Variants in NLRP7 observed in about 807,000 individuals in gnomAD.
NLRP7 encodes NLR family pyrin domain containing 7, also known as NACHT, LRR and PYD domains-containing protein 7.
In NLRP7, 72 loss-of-function variants were observed where a neutral mutation model predicts 85.5. The observed-to-expected ratio is 0.84, with a 90% confidence interval of 0.70 to 1.02. NLRP7 has a LOEUF of 1.02. Among genes scored for constraint, NLRP7 ranks in the 50% least tolerant of loss-of-function variants. The pLI is 0.00. For synonymous variants in NLRP7, 550 were observed against 505.2 expected (o/e 1.09, Z -1.19); for missense variants, 1,243 against 1,219.5 (o/e 1.02, Z -0.29).
In NLRP7 at chr19:54,934,583, G is replaced by A. The variant is rs1042698846; in HGVS notation, c.2377C>T (p.His793Tyr). The A allele has an allele frequency of 6.2e-7, 1 of 1,614,130 alleles. No individual in the cohort carries two copies. The highest frequency in any genetic ancestry group is 1.1e-5 in the South Asian group (1 of 91,086). Residue 793 changes from histidine to tyrosine, a missense_variant, in exon 7 of 10, where the codon CAC (histidine) becomes TAC (tyrosine). This residue lies in a region of NLRP7 where 613 missense variants were observed against 588.4 expected (regional missense o/e 1.04). Coordinates refer to ENST00000340844, the Ensembl canonical transcript of NLRP7. This position sits in a 1 kb window ranked among gnomAD's most constrained non-coding sequence, Gnocchi z 6.7. ...AGCACATTGGCTGAGAGACGCAGGT[G>A]CTTCAGGGACTGGTTGGCTTTGAGG...
At chr19:54,964,543 C>A (rs1460129831) in intron 1 of NLRP7, among the ~76,000 whole-genome samples, 3 of 152,040 alleles carry the variant, frequency 2.0e-5, no homozygotes, top group Admixed American at 2.0e-4. Flanking sequence ...ATACTGCCAG[C>A]CAGGCACGGT....
chr19:54,934,816 TCTC>T lies in NLRP7; in HGVS notation c.2301-160_2301-158del, dbSNP rs1208102813. The stretch of plus-strand genomic sequence containing the variant: ...CCTCCGCCTCCCGGGTTCAAGCTAT[TCTC>T]CTGCCTCAGCCTCCGAAGTAGCTGG... On this transcript the variant is annotated intron_variant, in intron 6 of 9. Transcript: ENST00000340844. The surrounding 1 kb of genome is among the most constrained non-coding windows in gnomAD (Gnocchi z 6.7). 6.6e-6 allele frequency among the ~76,000 whole-genome samples: 1 copy of T among 152,014 alleles called. No homozygotes were observed. The highest frequency in any genetic ancestry group is 1.9e-4 in the East Asian group (1 of 5,160).
upstream of NLRP7, among the ~76,000 whole-genome samples, chr19:54,948,569 T>G (rs2069568795): frequency 6.6e-6 from 1 of 151,622 alleles, no homozygotes; most frequent in Non-Finnish European, 1.5e-5. Flanking sequence ...AATAGATAAC[T>G]GATATTTAAT....
chr19:54,951,753 ATT>A (rs879475433), upstream of NLRP7, among the ~76,000 whole-genome samples: 5 of 143,562 alleles, frequency 3.5e-5, no homozygotes, highest in South Asian at 8.9e-4. Flanking sequence ...CATTAGACGA[ATT>A]TTTTTTTTTT....
At chr19:54,957,991 G>A (rs2069914927) in intron 1 of NLRP7, among the ~76,000 whole-genome samples, 1 of 151,986 alleles carries the variant, frequency 6.6e-6, no homozygotes, top group Non-Finnish European at 1.5e-5. Context: ...CCAGGTGGGT[G>A]GATCACCTGA....
In NLRP7 at chr19:54,939,027, G is replaced by C. The variant is rs780716296; in HGVS notation, c.1792C>G (p.Leu598Val). ...TGCATCACTTCAGAAGTATTTGTCA[G>C]GTGAATAGAAATTTCCTTGAACGGG... Residue 598 changes from leucine (L) to valine (V), a missense_variant, in exon 4 of 10, where the codon CTG (leucine) becomes GTG (valine). By Grantham distance (32) the Leu-to-Val change is conservative. Around this residue, in one of 3 missense-constraint regions of NLRP7, gnomAD observed 613 missense variants for 588.4 expected, o/e 1.04. Coordinates refer to ENST00000340844, the Ensembl canonical transcript of NLRP7. 5.0e-6 allele frequency: 8 copies of C among 1,614,086 alleles called. No homozygotes were observed. In the East Asian group the frequency reaches 1.8e-4, roughly 36 times the overall value.
chr19:54,954,264 C>T (rs1196126320), intron 1 of NLRP7, among the ~76,000 whole-genome samples: 4 of 148,526 alleles, frequency 2.7e-5, no homozygotes, highest in Non-Finnish European at 4.5e-5. Flanking sequence ...GCGGTGGTCA[C>T]GCCTGTAATC....
At chr19:54,926,195 A>G (rs1019405177) in intron 9 of NLRP7, among the ~76,000 whole-genome samples, 3 of 117,082 alleles carry the variant, frequency 2.6e-5, no homozygotes, top group Non-Finnish European at 5.6e-5. Context: ...TTTTGGATAT[A>G]ATGATTAGGG....
chr19:54,934,437 T>C lies in NLRP7; in HGVS notation c.2471+52A>G. 1 of 1,591,678 alleles carries C rather than the reference T, an allele frequency of 6.3e-7. No homozygotes were observed. The highest frequency in any genetic ancestry group is 8.6e-7 in the Non-Finnish European group (1 of 1,159,510). ...AGTAAGTCAGGTGTTACCCTTTCTC[T>C]TCTATAGCCCCAGAACTAAACCAGA... On this transcript the variant is annotated intron_variant, in intron 7 of 9. Transcript: ENST00000340844. This position sits in a 1 kb window ranked among gnomAD's most constrained non-coding sequence, Gnocchi z 6.7.
chr19:54,946,272 C>G (rs560874488), intron 1 of NLRP7, among the ~76,000 whole-genome samples: 1 of 150,834 alleles, frequency 6.6e-6, no homozygotes, highest in Non-Finnish European at 1.5e-5. Context: ...AGTGCAGTGG[C>G]GCAATCTCAG....
chr19:54,954,455 A>C (rs969949931), intron 1 of NLRP7, among the ~76,000 whole-genome samples: 2 of 126,044 alleles, frequency 1.6e-5, no homozygotes, highest in Non-Finnish European at 3.2e-5. Context: ...GCCTGAACCC[A>C]GGAGGCGGAG....
chr19:54,961,690 G>C (rs1221479542), intron 1 of NLRP7, among the ~76,000 whole-genome samples: 1 of 150,876 alleles, frequency 6.6e-6, no homozygotes, highest in African/African-American at 2.4e-5. Context: ...GCCTGGCATG[G>C]TGGCAGGTGC....
At chr19:54,925,354 G>T (rs919741056) in intron 9 of NLRP7, among the ~76,000 whole-genome samples, 2 of 152,108 alleles carry the variant, frequency 1.3e-5, no homozygotes, top group African/African-American at 4.8e-5. Context: ...ACCCATTTAT[G>T]CCAGAGGTTA....
At chr19:54,941,381 CAAAAAAAAAAAAAA>C in intron 2 of NLRP7, 40 bp downstream of exon 2, 2 of 683,078 alleles carry the variant, frequency 2.9e-6, no homozygotes, top group Non-Finnish European at 4.7e-6. Context: ...GACTCCATCT[CAAAAAAAAAAAAAA>C]AAAAAAAAAA....
rs1316807477 is a variant in NLRP7, at chr19:54,934,396, G to A, written c.2471+93C>T. 1.8e-5 allele frequency: 23 copies of A among 1,297,234 alleles called. No individual in the cohort carries two copies. The highest frequency in any genetic ancestry group is 5.9e-5 in the South Asian group (5 of 84,908). The allele number at this position is 1,297,234 out of a possible 1,614,324, so 80.4% of individuals were successfully genotyped here. A position where few individuals can be genotyped will look rare whatever the true frequency, so the allele number is the denominator to read the frequency against. On this transcript the variant is annotated intron_variant, in intron 7 of 9. Coordinates refer to ENST00000340844, the Ensembl canonical transcript of NLRP7. This position sits in a 1 kb window ranked among gnomAD's most constrained non-coding sequence, Gnocchi z 6.7. ...GCAGGTGTTTATTTCAGCAAGAGGC[G>A]CCACGTGGGTGGCGCAGTAAGTCAG... is the stretch of plus-strand genomic sequence containing the variant.
chr19:54,940,284 G>A, exon 4 of NLRP7: 1 of 1,614,192 alleles, frequency 6.2e-7, no homozygotes, highest in Non-Finnish European at 8.5e-7. Flanking sequence ...ACGCCTGCGG[G>A]GCCGTGCAGC....
rs201379032 is a variant in NLRP7, at chr19:54,930,521, T to A, written c.2788A>T (p.Asn930Tyr). ...TACCGTAGGTGTTTTAGGTTACAGT[T>A]TGGATTCTCTAATGCCTGACAGAGA... Residue 930 changes from asparagine to tyrosine, a missense_variant, in exon 9 of 10, where the codon AAC becomes TAC. Asn to Tyr is a moderately radical substitution (Grantham distance 143, BLOSUM62 -2). This residue lies in a region of NLRP7 where 613 missense variants were observed against 588.4 expected (regional missense o/e 1.04). Coordinates refer to ENST00000340844, the Ensembl canonical transcript of NLRP7. The A allele has an allele frequency of 2.1e-4, 334 of 1,611,414 alleles. No individual in the cohort carries two copies. The highest frequency in any genetic ancestry group is 3.5e-4 in the Admixed American group (21 of 59,994).
intron 1 of NLRP7, among the ~76,000 whole-genome samples, chr19:54,956,335 C>T (rs969387167): frequency 6.6e-6 from 1 of 152,074 alleles, no homozygotes; most frequent in Non-Finnish European, 1.5e-5. Context: ...TGCTGGAGAA[C>T]TGGTTGTTGG....
exon 10 of NLRP7, chr19:54,923,661 C>T (rs1387001482): frequency 6.7e-6 from 10 of 1,488,250 alleles, no homozygotes; most frequent in African/African-American, 1.4e-5. Context: ...AACATGTGAC[C>T]CTCTGACCTG....
Sources: gnomAD v4.1 joint callset for allele counts (sites outside exome capture counted in the v4.1 genomes callset) on GRCh38, gnomAD v4.1.1 for gene constraint, gnomAD v4.1.1 regional missense constraint, Gnocchi (gnomAD v3.1) non-coding constraint, MANE v1.5 for transcripts, NCBI Gene and HGNC (gene_info 2026-07-23, HGNC 2026-07-21) for gene names.